Variants in NEURL1B observed in about 807,000 individuals in gnomAD.
The protein encoded by NEURL1B is E3 ubiquitin-protein ligase NEURL1B.
A neutral mutation model predicts 37.4 loss-of-function variants in NEURL1B; 13 were observed. The observed-to-expected ratio is 0.35, with a 90% CI of 0.23 to 0.55. NEURL1B has a LOEUF of 0.55. NEURL1B is among the 20% of genes least tolerant of loss of function. The probability of loss-of-function intolerance (pLI) is 0.89; values close to 1 mark genes in which losing one functional copy is unlikely to be tolerated. For missense variants in NEURL1B, 790 were observed against 879.2 expected (o/e 0.90, Z 1.28); for synonymous variants, 432 against 426.6 (o/e 1.01, Z -0.16).
At chr5:172,677,659 C>A (rs1440108345) in intron 2 of NEURL1B, among the ~76,000 whole-genome samples, 1 of 152,216 alleles carries the variant, frequency 6.6e-6, no homozygotes, top group Non-Finnish European at 1.5e-5. Context: ...CCCTTGGTGC[C>A]CACCCCCTCG....
chr5:172,668,457 G>GGGAA (rs1051646242), intron 1 of NEURL1B, among the ~76,000 whole-genome samples: 13 of 152,134 alleles, frequency 8.5e-5, no homozygotes, highest in African/African-American at 2.9e-4. Flanking sequence ...CCCAGGGCCT[G>GGGAA]GGAAGGGGAG....
rs1758086820 is a variant in NEURL1B, at chr5:172,669,853, G to C, written c.100G>C (p.Val34Leu). The C allele has an allele frequency of 1.4e-6, 2 of 1,385,570 alleles. No individual in the cohort carries two copies. Among genetic ancestry groups the C allele is most frequent in the African/African-American group, 1.5e-5 (1 of 64,806 alleles). 85.8% of individuals were successfully genotyped at this position (1,385,570 alleles called of 1,614,324 possible). ...CCGPGPERRP[V>L]LGEAPRFHAQ... ...CGGCCCCGGCCCCGAGCGACGCCCGGTCCTGGGCGAGGCGCCGCGCTTCCA... is the reference window on the plus strand; with the variant it reads ...CGGCCCCGGCCCCGAGCGACGCCCGCTCCTGGGCGAGGCGCCGCGCTTCCA... The change falls in exon 2 of 5, where the codon GTC becomes CTC. Residue 34 changes from valine (V) to leucine (L), a missense_variant. Transcript: ENST00000369800.
intron 2 of NEURL1B, among the ~76,000 whole-genome samples, chr5:172,680,855 AT>A (rs921592692): frequency 3.3e-5 from 5 of 152,234 alleles, no homozygotes; most frequent in Non-Finnish European, 5.9e-5. Context: ...TTTTAAAAAT[AT>A]TTTTTCCCAT....
chr5:172,662,444 T>C (rs1757920297), intron 1 of NEURL1B, among the ~76,000 whole-genome samples: 2 of 152,188 alleles, frequency 1.3e-5, no homozygotes, highest in South Asian at 4.1e-4. Flanking sequence ...ACCCAGTGGT[T>C]GGACTTGTTA....
chr5:172,678,343 G>C (rs1225678062), intron 2 of NEURL1B, among the ~76,000 whole-genome samples: 1 of 152,150 alleles, frequency 6.6e-6, no homozygotes, highest in Non-Finnish European at 1.5e-5. Flanking sequence ...TTCACATCTA[G>C]ACTGTTGACT....
chr5:172,686,347 T>C lies in NEURL1B; in HGVS notation c.1423+51T>C. ...GGCAGGGGCTGGCGGCTGGCCTGGC[T>C]CCTCCGGCTGTGCCAGTGGCCTTCC... On this transcript the variant is annotated intron_variant, in intron 4 of 4. Coordinates refer to ENST00000369800, the MANE Select transcript of NEURL1B (RefSeq NM_001142651.3). This position sits in a 1 kb window ranked among gnomAD's most constrained non-coding sequence, Gnocchi z 7.9. 1 of 1,538,224 alleles carries C rather than the reference T, an allele frequency of 6.5e-7. No individual in the cohort carries two copies. The highest frequency in any genetic ancestry group is 8.8e-7 in the Non-Finnish European group (1 of 1,137,652).
chr5:172,670,063 C>A lies in NEURL1B; in HGVS notation c.310C>A (p.His104Asn). ...CGCGCTGCGCTTCGGCTTCACCGCG[C>A]ACGATCCGTCGCTCATGAGCGCCCA... Reference protein sequence around the residue: ...SGALRFGFTAHDPSLMSAQDI... With the variant: ...SGALRFGFTANDPSLMSAQDI... The change falls in exon 2 of 5, where the codon CAC (histidine) becomes AAC (asparagine). Residue 104 changes from histidine (H) to asparagine (N), a missense_variant. Physicochemically the swap from His to Asn is moderately conservative, Grantham distance 68. Coordinates refer to ENST00000369800, the MANE Select transcript of NEURL1B (RefSeq NM_001142651.3). 1 of 1,521,986 alleles carries A rather than the reference C, an allele frequency of 6.6e-7. No homozygotes were observed. Among genetic ancestry groups the A allele is most frequent in the Non-Finnish European group, 8.8e-7 (1 of 1,140,802 alleles). 94.3% of individuals were successfully genotyped at this position (1,521,986 alleles called of 1,614,324 possible).
chr5:172,683,661 G>T lies in NEURL1B; in HGVS notation c.820G>T (p.Ala274Ser). 1 of 1,285,932 alleles carries T rather than the reference G, an allele frequency of 7.8e-7. No individual in the cohort carries two copies. The highest frequency in any genetic ancestry group is 1.7e-5 in the South Asian group (1 of 59,984). The allele number at this position is 1,285,932 out of a possible 1,614,324, so 79.7% of individuals were successfully genotyped here. The change falls in exon 3 of 5, where the codon GCG becomes TCG. Residue 274 changes from alanine to serine, a missense_variant. This residue lies in a region of NEURL1B where 460 missense variants were observed against 407.4 expected (regional missense o/e 1.13). Transcript: ENST00000369800. This position sits in a 1 kb window ranked among gnomAD's most constrained non-coding sequence, Gnocchi z 5.6. Reference sequence around the variant, plus strand: ...GCGCCCGCGGCCCGCGTCGTCGCCGGCGCTACTGGAGGCCGACCTGCGCTT... The same window carrying T: ...GCGCCCGCGGCCCGCGTCGTCGCCGTCGCTACTGGAGGCCGACCTGCGCTT... Reference protein sequence around the residue: ...RERPRPASSPALLEADLRFHA... With the variant: ...RERPRPASSPSLLEADLRFHA...
Position 172,683,773 on chromosome 5 carries a change from T to C in NEURL1B, c.932T>C (p.Val311Ala). The C allele has an allele frequency of 7.6e-7, 1 of 1,307,224 alleles. No homozygotes were observed. Among genetic ancestry groups the C allele is most frequent in the Non-Finnish European group, 9.8e-7 (1 of 1,024,124 alleles). The allele number at this position is 1,307,224 out of a possible 1,614,324, so 81.0% of individuals were successfully genotyped here. A position where few individuals can be genotyped will look rare whatever the true frequency, so the allele number is the denominator to read the frequency against. The change falls in exon 3 of 5, where the codon GTC (valine) becomes GCC (alanine). Residue 311 changes from valine (V) to alanine (A), a missense_variant. Physicochemically the swap from Val to Ala is moderately conservative, Grantham distance 64 (BLOSUM62 0). Transcript: ENST00000369800. This position sits in a 1 kb window ranked among gnomAD's most constrained non-coding sequence, Gnocchi z 5.6. ...APRPDGGRTLVFSERPLRPGE... is the reference protein window; with the variant it reads ...APRPDGGRTLAFSERPLRPGE... ...CGGCCCGACGGCGGCCGCACGCTGG[T>C]CTTCTCCGAGCGCCCGCTGCGGCCC...
In NEURL1B at chr5:172,675,155, G is replaced by A. The variant is rs1241343283; in HGVS notation, c.577+4825G>A. ...GCCTCCAAAAGTGCTGGGATTACAG[G>A]CATGAGCCACCATGCCTGGCCGAAT... is the stretch of plus-strand genomic sequence containing the variant. On this transcript the variant is annotated intron_variant, in intron 2 of 4. Coordinates refer to ENST00000369800, the MANE Select transcript of NEURL1B (RefSeq NM_001142651.3). This position sits in a 1 kb window ranked among gnomAD's most constrained non-coding sequence, Gnocchi z 4.7. 1.3e-5 allele frequency among the ~76,000 whole-genome samples: 2 copies of A among 152,130 alleles called. No individual in the cohort carries two copies. The highest frequency in any genetic ancestry group is 2.9e-5 in the Non-Finnish European group (2 of 68,024).
At chr5:172,666,592 G>A (rs992476157) in intron 1 of NEURL1B, among the ~76,000 whole-genome samples, 10 of 152,142 alleles carry the variant, frequency 6.6e-5, no homozygotes, top group Admixed American at 5.2e-4. Context: ...ACTAGCTGGC[G>A]GAAAGCGAGA....
chr5:172,653,071 G>A (rs190982145), intron 1 of NEURL1B, among the ~76,000 whole-genome samples: 1 of 152,252 alleles, frequency 6.6e-6, no homozygotes, highest in Non-Finnish European at 1.5e-5. Context: ...TGATGAGAAC[G>A]TGATCGCCAG....
At chr5:172,666,747 G>A (rs1758021769) in intron 1 of NEURL1B, among the ~76,000 whole-genome samples, 1 of 152,186 alleles carries the variant, frequency 6.6e-6, no homozygotes, top group Non-Finnish European at 1.5e-5. Flanking sequence ...GCTGAGGGAG[G>A]TGGTGCTCAG....
intron 2 of NEURL1B, among the ~76,000 whole-genome samples, chr5:172,681,414 T>C (rs187566995): frequency 2.0e-5 from 3 of 152,310 alleles, no homozygotes; most frequent in Non-Finnish European, 2.9e-5. Context: ...TGCACACATA[T>C]GTACTTTTTT....
rs561748217 is a variant in NEURL1B at position 172,688,416 on chromosome 5, T to A, written c.*1491T>A. 4.8e-4 allele frequency: 74 copies of A among 152,808 alleles called. No individual in the cohort carries two copies. The highest frequency in any genetic ancestry group is 1.7e-3 in the African/African-American group (72 of 41,582). The allele number at this position is 152,808 out of a possible 1,614,324, so 9.5% of individuals were successfully genotyped here. A position where few individuals can be genotyped will look rare whatever the true frequency, so the allele number is the denominator to read the frequency against. The stretch of plus-strand genomic sequence containing the variant: ...GAGTACAATTCCTAATCTGTTCATG[T>A]CCTGCTGAAGGAGGGAAGGAGGGAG... On this transcript the variant is annotated 3_prime_UTR_variant, in exon 5 of 5. Transcript: ENST00000369800. This position sits in a 1 kb window ranked among gnomAD's most constrained non-coding sequence, Gnocchi z 4.3.
chr5:172,678,936 A>T (rs565857592), intron 2 of NEURL1B, among the ~76,000 whole-genome samples: 1 of 152,240 alleles, frequency 6.6e-6, no homozygotes, highest in Non-Finnish European at 1.5e-5. Flanking sequence ...GGGGAGGGGA[A>T]AAAGGGAAGA....
chr5:172,655,136 C>T (rs1757743563), intron 1 of NEURL1B, among the ~76,000 whole-genome samples: 1 of 152,078 alleles, frequency 6.6e-6, no homozygotes, highest in East Asian at 1.9e-4. Flanking sequence ...TCTTTCTTCC[C>T]CCAAGAAGAA....
At chr5:172,667,972 C>T (rs749210634) in intron 1 of NEURL1B, among the ~76,000 whole-genome samples, 6 of 151,640 alleles carry the variant, frequency 4.0e-5, no homozygotes, top group Admixed American at 2.6e-4. Flanking sequence ...GTACCTCCTA[C>T]CTGGAATGGT....
chr5:172,683,483 G>A lies in NEURL1B; in HGVS notation c.642G>A (p.Leu214=). 6.7e-7 allele frequency: 1 copy of A among 1,496,302 alleles called. No homozygotes were observed. The highest frequency in any genetic ancestry group is 8.9e-7 in the Non-Finnish European group (1 of 1,127,708). The allele number at this position is 1,496,302 out of a possible 1,614,324, so 92.7% of individuals were successfully genotyped here. ...RLSQARFSAC[L]PPSSHDAANF... is the part of the protein sequence containing the mutation. Reference sequence around the variant, plus strand: ...GCCAGGCCCGCTTCAGCGCCTGCCTGCCGCCCAGCAGCCACGACGCGGCCA... The same window carrying A: ...GCCAGGCCCGCTTCAGCGCCTGCCTACCGCCCAGCAGCCACGACGCGGCCA... Residue 214 remains leucine (L), a synonymous_variant, in exon 3 of 5, where the codon CTG becomes CTA. Transcript: ENST00000369800. The surrounding 1 kb of genome is among the most constrained non-coding windows in gnomAD (Gnocchi z 5.6).
Sources: gnomAD v4.1 joint callset for allele counts (sites outside exome capture counted in the v4.1 genomes callset) on GRCh38, gnomAD v4.1.1 for gene constraint, gnomAD v4.1.1 regional missense constraint, Gnocchi (gnomAD v3.1) non-coding constraint, MANE v1.5 for transcripts, NCBI Gene and HGNC (gene_info 2026-07-23, HGNC 2026-07-21) for gene names.